Variants in SPOCK1 observed in about 807,000 individuals in gnomAD.
SPOCK1 encodes the protein testican-1.
In SPOCK1, 23 loss-of-function variants were observed where a neutral mutation model predicts 55.3. The ratio of observed to expected loss-of-function variants is 0.42; its 90% CI spans 0.30 to 0.59. The LOEUF is 0.59. Ranked by LOEUF, SPOCK1 falls within the 20% of genes least tolerant of loss-of-function variation. SPOCK1 has a pLI of 0.22. For synonymous variants in SPOCK1, 226 were observed against 221.0 expected (o/e 1.02, Z -0.20); for missense variants, 499 against 552.5 (o/e 0.90, Z 0.97).
chr5:137,305,973 T>C (rs1757695352), intron 2 of SPOCK1, among the ~76,000 whole-genome samples: 1 of 152,248 alleles, frequency 6.6e-6, no homozygotes. Flanking sequence ...CAGGTAGCAC[T>C]GGAATCCAGC....
At chr5:137,077,220 G>A (rs1262076675) in intron 5 of SPOCK1, among the ~76,000 whole-genome samples, 3 of 152,192 alleles carry the variant, frequency 2.0e-5, no homozygotes, top group South Asian at 2.1e-4. Context: ...CACCGCGCCC[G>A]GCCCCCGCAG....
chr5:137,150,973 C>T (rs1230950892), intron 3 of SPOCK1, among the ~76,000 whole-genome samples: 1 of 152,162 alleles, frequency 6.6e-6, no homozygotes, highest in African/African-American at 2.4e-5. Flanking sequence ...GGTAGGCCTA[C>T]ACCATATGCA....
chr5:137,425,741 G>C (rs1470635616), intron 2 of SPOCK1, among the ~76,000 whole-genome samples: 2 of 152,158 alleles, frequency 1.3e-5, no homozygotes, highest in Admixed American at 1.3e-4. Context: ...ATTTTCTTGA[G>C]TGTCAATTTT....
chr5:137,270,618 G>C (rs1041180596), intron 2 of SPOCK1, among the ~76,000 whole-genome samples: 6 of 152,162 alleles, frequency 3.9e-5, no homozygotes, highest in Non-Finnish European at 8.8e-5. Context: ...AAACCTGAAA[G>C]ACCCTGTAAA....
At chr5:137,271,962 G>A (rs180731739) in intron 2 of SPOCK1, among the ~76,000 whole-genome samples, 1 of 152,234 alleles carries the variant, frequency 6.6e-6, no homozygotes, top group Admixed American at 6.5e-5. Flanking sequence ...AAATAAATGG[G>A]AGCCTCATTT....
intron 2 of SPOCK1, among the ~76,000 whole-genome samples, chr5:137,442,874 C>T (rs185431334): frequency 3.0e-4 from 46 of 152,344 alleles, no homozygotes; most frequent in Middle Eastern, 3.4e-3. Flanking sequence ...CCATTTTAAA[C>T]AGCCTTCTTG....
intron 4 of SPOCK1, among the ~76,000 whole-genome samples, chr5:137,132,244 A>G (rs576989135): frequency 1.3e-5 from 2 of 150,520 alleles, no homozygotes; most frequent in South Asian, 2.1e-4. Context: ...GCAATTTAAC[A>G]TCTTCAGTGA....
At position 136,992,611 on chromosome 5, in the gene SPOCK1, G is replaced by GCAAA. The variant is rs755515522; in HGVS notation, c.590-15_590-12dup. 2.5e-6 allele frequency: 4 copies of GCAAA among 1,606,760 alleles called. No individual in the cohort carries two copies. The highest frequency in any genetic ancestry group is 2.6e-6 in the Non-Finnish European group (3 of 1,175,822). ...CCTTGTCTGTGCAGGCTAGAGAAAAGCAAACAGAACAGACAATGGGGCTGG... is the reference window on the plus strand; with the variant it reads ...CCTTGTCTGTGCAGGCTAGAGAAAAGCAAACAAACAGAACAGACAATGGGGCTGG... On this transcript the variant is annotated splice_polypyrimidine_tract_variant and intron_variant, in intron 6 of 10. Transcript: ENST00000394945.
chr5:137,198,707 C>T (rs569471229), intron 3 of SPOCK1, among the ~76,000 whole-genome samples: 20 of 152,120 alleles, frequency 1.3e-4, no homozygotes, highest in Admixed American at 9.8e-4. Context: ...TTTGTGGCAA[C>T]GTTTTTCTTA....
chr5:137,019,002 T>C (rs3843807), intron 6 of SPOCK1, among the ~76,000 whole-genome samples: 61,620 of 151,956 alleles, frequency 0.41, 13,353 homozygotes, highest in South Asian at 0.54. Context: ...TACACACACA[T>C]ACACAAAAGT....
At chr5:137,365,394 G>A (rs1026060433) in intron 2 of SPOCK1, 3 of 152,340 alleles carry the variant, frequency 2.0e-5, no homozygotes, top group Middle Eastern at 3.4e-3. Context: ...AATTGAGTCA[G>A]GTTTGGGAGG....
At chr5:137,151,625 C>T (rs977614909) in intron 3 of SPOCK1, among the ~76,000 whole-genome samples, 1 of 152,194 alleles carries the variant, frequency 6.6e-6, no homozygotes, top group Non-Finnish European at 1.5e-5. Flanking sequence ...GACCAGAAAG[C>T]AGTTCCCATT....
intron 3 of SPOCK1, among the ~76,000 whole-genome samples, chr5:137,188,240 G>T (rs755210914): frequency 4.6e-5 from 7 of 152,160 alleles, no homozygotes; most frequent in Non-Finnish European, 7.3e-5. Context: ...GCCACACGTG[G>T]CCACCACTTT....
At chr5:137,390,673 C>G (rs2127179010) in intron 2 of SPOCK1, among the ~76,000 whole-genome samples, 1 of 152,298 alleles carries the variant, frequency 6.6e-6, no homozygotes, top group Non-Finnish European at 1.5e-5. Flanking sequence ...AAAAGGGTTT[C>G]CCTCTGCACA....
At chr5:137,043,448 C>T (rs185502566) in intron 6 of SPOCK1, among the ~76,000 whole-genome samples, 64 of 152,202 alleles carry the variant, frequency 4.2e-4, no homozygotes, top group South Asian at 3.7e-3. Context: ...GTAGGCTATG[C>T]GTAGTAACTT....
At chr5:137,043,290 A>G (rs987078494) in intron 6 of SPOCK1, among the ~76,000 whole-genome samples, 4 of 152,242 alleles carry the variant, frequency 2.6e-5, no homozygotes, top group Admixed American at 1.3e-4. Flanking sequence ...TCCACATTAT[A>G]TAAATATTAA....
At chr5:137,118,384 TG>T (rs746632570) in intron 4 of SPOCK1, among the ~76,000 whole-genome samples, 6 of 152,204 alleles carry the variant, frequency 3.9e-5, no homozygotes, top group Non-Finnish European at 8.8e-5. Context: ...TCCTGGTTCC[TG>T]GGAATGTCAA....
chr5:137,463,366 A>G (rs1753531130), intron 2 of SPOCK1, among the ~76,000 whole-genome samples: 1 of 152,220 alleles, frequency 6.6e-6, no homozygotes. Flanking sequence ...AACAACATGG[A>G]TGGAACTGGA....
intron 5 of SPOCK1, among the ~76,000 whole-genome samples, chr5:137,090,203 G>A (rs1461809486): frequency 6.6e-6 from 1 of 152,228 alleles, no homozygotes; most frequent in African/African-American, 2.4e-5. Flanking sequence ...GGTTGAGCCT[G>A]CCTCAGGAAC....
Sources: allele counts gnomAD v4.1 joint callset (sites outside exome capture counted in the v4.1 genomes callset), GRCh38; gene constraint gnomAD v4.1.1; transcripts MANE v1.5; gene names NCBI Gene and HGNC (gene_info 2026-07-23, HGNC 2026-07-21).